Variants in KIF6 observed in about 807,000 individuals in gnomAD.
KIF6 encodes the protein kinesin family member 6, also known as kinesin-like protein KIF6.
In KIF6, 106 loss-of-function variants were observed where a neutral mutation model predicts 112.7. The ratio of observed to expected loss-of-function variants is 0.94; its 90% confidence interval spans 0.80 to 1.11. The LOEUF (loss-of-function observed/expected upper bound fraction) is 1.11. KIF6 is among the 50% of genes least tolerant of loss of function. KIF6 has a pLI of 0.00. For synonymous variants in KIF6, 339 were observed against 339.9 expected, an observed-to-expected ratio of 1.00 and a Z score of 0.03; for missense variants, 929 against 964.0, an observed-to-expected ratio of 0.96 and a Z score of 0.48.
At chr6:39,461,042 T>C (rs1773444151) in intron 13 of KIF6, among the ~76,000 whole-genome samples, 1 of 152,174 alleles carries the variant, frequency 6.6e-6, no homozygotes, top group Non-Finnish European at 1.5e-5. Context: ...CAATATATAA[T>C]AAATGTTTTA....
rs557868285 is a variant in KIF6 at position 39,468,909 on chromosome 6, A to G, written c.1646-37748T>C. ...AATTTTATTGTGGAAACTATAACAT[A>G]TAAGTGTAATGTAGTTGTTAGTAAT... On this transcript the variant is annotated intron_variant, in intron 13 of 22. Coordinates refer to ENST00000287152, the MANE Select transcript of KIF6 (RefSeq NM_145027.6). 1.6e-4 allele frequency among the ~76,000 whole-genome samples: 24 copies of G among 152,296 alleles called. No individual in the cohort carries two copies. In the East Asian group the frequency reaches 4.0e-3, roughly 26 times the overall value.
chr6:39,515,338 G>T (rs1777013600), intron 13 of KIF6, among the ~76,000 whole-genome samples: 1 of 152,192 alleles, frequency 6.6e-6, no homozygotes, highest in Non-Finnish European at 1.5e-5. Context: ...CGAGAAATAG[G>T]AGTTGACACC....
intron 9 of KIF6, among the ~76,000 whole-genome samples, chr6:39,580,464 A>G (rs1226583250): frequency 1.3e-5 from 2 of 151,960 alleles, no homozygotes; most frequent in African/African-American, 4.8e-5. Context: ...TAATTCTTAT[A>G]TATCTTATTT....
intron 13 of KIF6, among the ~76,000 whole-genome samples, chr6:39,451,984 C>A (rs1269753544): frequency 6.6e-6 from 1 of 152,120 alleles, no homozygotes; most frequent in Non-Finnish European, 1.5e-5. Flanking sequence ...CAAAGACAGC[C>A]CTTCAAAATG....
At chr6:39,575,530 A>C (rs975827162) in intron 10 of KIF6, among the ~76,000 whole-genome samples, 5 of 152,074 alleles carry the variant, frequency 3.3e-5, no homozygotes, top group African/African-American at 1.2e-4. Context: ...TTGGCCTTCC[A>C]AAGTGCTGGG....
intron 3 of KIF6, among the ~76,000 whole-genome samples, chr6:39,702,805 A>G (rs1228984679): frequency 3.3e-5 from 5 of 152,216 alleles, no homozygotes; most frequent in Non-Finnish European, 7.3e-5. Context: ...ATGAATGTCA[A>G]ATGAAGTTTC....
intron 6 of KIF6, among the ~76,000 whole-genome samples, chr6:39,596,681 C>A (rs1033047098): frequency 2.6e-5 from 4 of 152,096 alleles, no homozygotes; most frequent in Admixed American, 1.3e-4. Context: ...GACAAAGAAA[C>A]CTACCATCAC....
chr6:39,408,179 T>C (rs1769219978), intron 15 of KIF6, among the ~76,000 whole-genome samples: 1 of 152,158 alleles, frequency 6.6e-6, no homozygotes, highest in South Asian at 2.1e-4. Flanking sequence ...CGAAATGCCA[T>C]ATTTTGCTCT....
intron 16 of KIF6, among the ~76,000 whole-genome samples, chr6:39,369,243 C>T (rs760338221): frequency 9.2e-5 from 14 of 152,152 alleles, no homozygotes; most frequent in Non-Finnish European, 1.6e-4. Flanking sequence ...GACGGGTGCT[C>T]AGTGCTGCCA....
intron 10 of KIF6, among the ~76,000 whole-genome samples, chr6:39,552,174 A>G (rs1352030088): frequency 5.9e-5 from 9 of 152,210 alleles, no homozygotes; most frequent in African/African-American, 2.2e-4. Context: ...GTAACTGGAA[A>G]TGTTCTGTGA....
chr6:39,554,972 G>A (rs1034563545), intron 10 of KIF6: 3 of 168,488 alleles, frequency 1.8e-5, no homozygotes, highest in Non-Finnish European at 2.6e-5. Flanking sequence ...GTGTGGCTGA[G>A]ACACAGACTG....
chr6:39,676,319 GT>G (rs5875675), intron 3 of KIF6, among the ~76,000 whole-genome samples: 130,583 of 152,142 alleles, frequency 0.86, 56,482 homozygotes, highest in East Asian at 0.97. Flanking sequence ...TGATGGAATC[GT>G]TATCTTCAAC....
At chr6:39,394,392 G>T (rs1189927633) in intron 15 of KIF6, among the ~76,000 whole-genome samples, 1 of 152,194 alleles carries the variant, frequency 6.6e-6, no homozygotes, top group Non-Finnish European at 1.5e-5. Flanking sequence ...CATGTGTGCT[G>T]ACTGAAAATA....
chr6:39,660,621 T>G (rs1034941708), intron 3 of KIF6, among the ~76,000 whole-genome samples: 4 of 152,210 alleles, frequency 2.6e-5, no homozygotes, highest in Non-Finnish European at 4.4e-5. Flanking sequence ...AAGCTAAATT[T>G]TTTTTTGAGC....
chr6:39,639,059 A>G (rs1470671314), intron 4 of KIF6, among the ~76,000 whole-genome samples: 1 of 152,108 alleles, frequency 6.6e-6, no homozygotes, highest in Non-Finnish European at 1.5e-5. Context: ...GTTGCATTAT[A>G]TGTTATATCA....
chr6:39,670,808 C>A (rs302573), intron 3 of KIF6, among the ~76,000 whole-genome samples: 1 of 152,012 alleles, frequency 6.6e-6, no homozygotes, highest in Admixed American at 6.6e-5. Flanking sequence ...TACCTTCTGC[C>A]TCTGGCTGTT....
chr6:39,644,347 C>T (rs1169257339), intron 3 of KIF6, among the ~76,000 whole-genome samples: 1 of 152,046 alleles, frequency 6.6e-6, no homozygotes, highest in African/African-American at 2.4e-5. Context: ...TGTGTCCACA[C>T]AAAAATTTGT....
intron 3 of KIF6, among the ~76,000 whole-genome samples, chr6:39,672,398 A>G (rs1786874306): frequency 6.6e-6 from 1 of 152,222 alleles, no homozygotes; most frequent in Non-Finnish European, 1.5e-5. Context: ...CTTAATGAAT[A>G]CTACTACTAA....
chr6:39,403,828 C>T (rs75264475), intron 15 of KIF6, among the ~76,000 whole-genome samples: 2,921 of 152,300 alleles, frequency 0.019, 82 homozygotes, highest in African/African-American at 0.061. Context: ...AAATTAAAAA[C>T]ATTTTAAGCT....
Sources: gnomAD v4.1 joint callset for allele counts (sites outside exome capture counted in the v4.1 genomes callset) on GRCh38, gnomAD v4.1.1 for gene constraint, MANE v1.5 for transcripts, NCBI Gene and HGNC (gene_info 2026-07-23, HGNC 2026-07-21) for gene names.